DBNDD1: variants seen among roughly 807,000 people sequenced by gnomAD.
DBNDD1 encodes dysbindin domain containing 1.
Under a neutral mutation model 17.0 loss-of-function variants are expected in DBNDD1, and 14 were observed. The ratio of observed to expected loss-of-function variants is 0.82; its 90% CI spans 0.54 to 1.29. DBNDD1 has a LOEUF of 1.29. Ranked by LOEUF, DBNDD1 falls within the 50% of genes most tolerant of loss-of-function variation. DBNDD1 has a pLI of 0.00. For missense variants in DBNDD1, 221 were observed against 216.2 expected (o/e 1.02, Z -0.14); for synonymous variants, 105 against 102.0 (o/e 1.03, Z -0.18).
chr16:90,014,327 C>G (rs752858474), intron 1 of DBNDD1, among the ~76,000 whole-genome samples: 25 of 152,028 alleles, frequency 1.6e-4, no homozygotes, highest in African/African-American at 4.8e-4. Context: ...GGGTTTCTCC[C>G]TGTTGGCCAG....
At chr16:90,013,678 A>G (rs188384013) in intron 1 of DBNDD1, among the ~76,000 whole-genome samples, 58 of 152,290 alleles carry the variant, frequency 3.8e-4, no homozygotes, top group African/African-American at 1.4e-3. Flanking sequence ...TCCCCCTCTC[A>G]CTGGGCGGGG....
chr16:90,009,967 A>C (rs1363568772), intron 1 of DBNDD1: 1 of 1,613,814 alleles, frequency 6.2e-7, no homozygotes, highest in Non-Finnish European at 8.5e-7. Context: ...CAGGAGGAAT[A>C]GGCAGGCCTG....
intron 1 of DBNDD1, among the ~76,000 whole-genome samples, chr16:90,010,362 ACTACCTTTTTTTTTTTTTTTTT>A (rs1184352100): frequency 3.2e-5 from 4 of 126,010 alleles, no homozygotes; most frequent in Non-Finnish European, 6.6e-5. Context: ...CACAAACGTA[ACTACCTTTTTTTTTTTTTTTTT>A]TTGAGACAGA....
In DBNDD1 at chr16:90,019,367, ACGGGCGACGGCGGCGTCGCCTGGCC is replaced by A. The variant is rs1442805882; in HGVS notation, c.-51_-27del. The A allele has an allele frequency of 8.4e-7, 1 of 1,186,014 alleles. No individual in the cohort carries two copies. The highest frequency in any genetic ancestry group is 1.0e-6 in the Non-Finnish European group (1 of 957,754). The allele number at this position is 1,186,014 out of a possible 1,614,324, so 73.5% of individuals were successfully genotyped here. On this transcript the variant is annotated 5_prime_UTR_variant, in exon 1 of 4. Coordinates refer to ENST00000002501, the MANE Select transcript of DBNDD1 (RefSeq NM_001042610.3). This position sits in a 1 kb window ranked among gnomAD's most constrained non-coding sequence, Gnocchi z 6.1. ...GCGGCCGGTGCGGTCTGGGAGGGGC[ACGGGCGACGGCGGCGTCGCCTGGCC>A]CGGGCGCCCCAACAGCTGCGGCAGC...
At chr16:90,009,488 G>A (rs745330668) in intron 1 of DBNDD1, 58 bp from the exon 2 acceptor site, 3 of 1,595,530 alleles carry the variant, frequency 1.9e-6, no homozygotes, top group Non-Finnish European at 2.6e-6. Flanking sequence ...ATCCCCCCAG[G>A]ACGCGGGGCT....
At chr16:90,015,551 A>T (rs565247000) in intron 1 of DBNDD1, among the ~76,000 whole-genome samples, 25 of 152,348 alleles carry the variant, frequency 1.6e-4, no homozygotes, top group Admixed American at 4.6e-4. Flanking sequence ...TTCAAGAGTC[A>T]GCTGCACATG....
chr16:90,019,299 G>A lies in DBNDD1; in HGVS notation c.31+12C>T, dbSNP rs961365984. On this transcript the variant is annotated intron_variant, in intron 1 of 3. Coordinates refer to ENST00000002501, the MANE Select transcript of DBNDD1 (RefSeq NM_001042610.3). This position sits in a 1 kb window ranked among gnomAD's most constrained non-coding sequence, Gnocchi z 6.1. ...GCTGCGCGGGGGTCTCGGGGGCTGG[G>A]GCTGAACTCACCTCCGGTGCCGGCG... 4 of 1,217,424 alleles carry A rather than the reference G, an allele frequency of 3.3e-6. No homozygotes were observed. Among genetic ancestry groups the A allele is most frequent in the Non-Finnish European group, 4.1e-6 (4 of 977,448 alleles). 75.4% of individuals were successfully genotyped at this position (1,217,424 alleles called of 1,614,324 possible).
At chr16:90,016,299 C>T (rs2035641494) in intron 1 of DBNDD1, among the ~76,000 whole-genome samples, 1 of 152,216 alleles carries the variant, frequency 6.6e-6, no homozygotes, top group African/African-American at 2.4e-5. Context: ...CGCTAGGAAT[C>T]ACCCAGGCCT....
At position 90,006,266 on chromosome 16, in the gene DBNDD1, C is replaced by T; in HGVS notation, c.*69G>A. ...GGCGGGTGAAGTGTGTCTGCTGGGT[C>T]AGCACTGCCCAGATCTGCCATCGTG... On this transcript the variant is annotated 3_prime_UTR_variant, in exon 4 of 4. Coordinates refer to ENST00000002501, the MANE Select transcript of DBNDD1 (RefSeq NM_001042610.3). The T allele has an allele frequency of 6.6e-7, 1 of 1,518,534 alleles. No individual in the cohort carries two copies. The highest frequency in any genetic ancestry group is 8.9e-7 in the Non-Finnish European group (1 of 1,128,064). 94.1% of individuals were successfully genotyped at this position (1,518,534 alleles called of 1,614,324 possible).
chr16:90,016,958 G>C (rs2035651389), intron 1 of DBNDD1, among the ~76,000 whole-genome samples: 1 of 152,194 alleles, frequency 6.6e-6, no homozygotes, highest in African/African-American at 2.4e-5. Context: ...GACCCCCAAA[G>C]TATTTCAGGG....
intron 2 of DBNDD1, 50 bp from the exon 3 acceptor site, chr16:90,008,974 C>T (rs1019304482): frequency 1.3e-6 from 2 of 1,501,122 alleles, no homozygotes; most frequent in Non-Finnish European, 1.8e-6. Context: ...CACAAGGCTG[C>T]TCAGAGCCCC....
At chr16:90,014,030 G>A (rs1026727449) in intron 1 of DBNDD1, among the ~76,000 whole-genome samples, 5 of 152,244 alleles carry the variant, frequency 3.3e-5, no homozygotes, top group African/African-American at 9.6e-5. Context: ...TGTGGAGATC[G>A]TCAGGACTTT....
chr16:90,009,713 G>A (rs1052081994), intron 1 of DBNDD1: 14 of 623,796 alleles, frequency 2.2e-5, no homozygotes, highest in Middle Eastern at 4.2e-4. Context: ...CATGAAAGCC[G>A]ACCATGCAGG....
At chr16:90,006,587 G>T in intron 3 of DBNDD1, 95 bp from the exon 4 acceptor site, 2 of 1,458,206 alleles carry the variant, frequency 1.4e-6, no homozygotes, top group Admixed American at 2.0e-5. Flanking sequence ...CGCCACTCCT[G>T]CCAATGCTCT....
At chr16:90,019,637 C>T (rs575402378), upstream of DBNDD1, 11 of 420,444 alleles carry the variant, frequency 2.6e-5, 1 homozygote, top group South Asian at 5.7e-4. The surrounding 1 kb of genome is among the most constrained non-coding windows in gnomAD (Gnocchi z 6.1). Flanking sequence ...CCGACCCTTC[C>T]CTCGCGGGCC....
intron 1 of DBNDD1, among the ~76,000 whole-genome samples, chr16:90,018,052 C>G (rs1459180459): frequency 6.6e-6 from 1 of 152,316 alleles, no homozygotes; most frequent in Admixed American, 6.5e-5. Flanking sequence ...GCCTTGGGCT[C>G]CCACAGCCCT....
chr16:90,019,639 T>TCGCGGGC, upstream of DBNDD1: 1 of 421,740 alleles, frequency 2.4e-6, no homozygotes. The surrounding 1 kb of genome is among the most constrained non-coding windows in gnomAD (Gnocchi z 6.1). Flanking sequence ...GACCCTTCCC[T>TCGCGGGC]CGCGGGCCGC....
intron 1 of DBNDD1, among the ~76,000 whole-genome samples, chr16:90,014,334 C>G (rs577917572): frequency 6.6e-6 from 1 of 151,994 alleles, no homozygotes; most frequent in Non-Finnish European, 1.5e-5. Flanking sequence ...TCCCTGTTGG[C>G]CAGGCTGGTC....
rs903593077 is a variant in DBNDD1, at chr16:90,005,821, T to G, written c.*514A>C. The G allele has an allele frequency of 3.2e-5, 5 of 155,990 alleles. No homozygotes were observed. The highest frequency in any genetic ancestry group is 2.5e-4 in the Admixed American group (4 of 16,272). The allele number at this position is 155,990 out of a possible 1,614,324, so 9.7% of individuals were successfully genotyped here. On this transcript the variant is annotated 3_prime_UTR_variant, in exon 4 of 4. Transcript: ENST00000002501. The stretch of plus-strand genomic sequence containing the variant: ...GGCCGCTTCTCCATGTGTGCTTTGC[T>G]GGACAGCACATTGTCCCATTAGCCA...
Sources: gnomAD v4.1 joint callset for allele counts (sites outside exome capture counted in the v4.1 genomes callset) on GRCh38, gnomAD v4.1.1 for gene constraint, Gnocchi (gnomAD v3.1) non-coding constraint, MANE v1.5 for transcripts, NCBI Gene and HGNC (gene_info 2026-07-23, HGNC 2026-07-21) for gene names.